The following RIT2 variants were observed in gnomAD, a reference collection of about 807,000 sequenced individuals.
The protein encoded by RIT2 is Ras like without CAAX 2.
A neutral mutation model predicts 23.7 loss-of-function variants in RIT2; 24 were observed. The observed-to-expected ratio is 1.01, with a 90% CI of 0.73 to 1.43. The LOEUF is 1.43. Ranked by LOEUF, RIT2 falls within the 40% of genes most tolerant of loss-of-function variation. The pLI is 0.00. For missense variants in RIT2, 236 were observed against 266.9 expected (o/e 0.88, Z 0.81); for synonymous variants, 107 against 91.1 (o/e 1.17, Z -0.99).
At chr18:43,067,542 G>A (rs146949980) in intron 1 of RIT2, among the ~76,000 whole-genome samples, 64 of 152,226 alleles carry the variant, frequency 4.2e-4, no homozygotes, top group African/African-American at 1.5e-3. Context: ...CTCAAATCAG[G>A]GGCTTCTTGT....
intron 4 of RIT2, among the ~76,000 whole-genome samples, chr18:42,827,670 G>C (rs1198949039): frequency 6.6e-6 from 1 of 152,152 alleles, no homozygotes; most frequent in East Asian, 1.9e-4. Context: ...GAATAAAATG[G>C]AATGGTCAAT....
chr18:43,108,779 G>A (rs1296669547), intron 1 of RIT2, among the ~76,000 whole-genome samples: 3 of 152,176 alleles, frequency 2.0e-5, no homozygotes, highest in Non-Finnish European at 4.4e-5. Flanking sequence ...AATGCTTCCT[G>A]ACAGTATTGC....
intron 1 of RIT2, among the ~76,000 whole-genome samples, chr18:43,112,199 A>G (rs999293199): frequency 1.3e-5 from 2 of 152,170 alleles, no homozygotes; most frequent in African/African-American, 4.8e-5. Flanking sequence ...TGTTCTTCTC[A>G]GAGCATTAAA....
chr18:42,937,266 T>C (rs747702011), intron 3 of RIT2, among the ~76,000 whole-genome samples: 2 of 152,198 alleles, frequency 1.3e-5, no homozygotes, highest in African/African-American at 4.8e-5. Context: ...CTGTCATTTT[T>C]TTCCTATCCT....
intron 4 of RIT2, among the ~76,000 whole-genome samples, chr18:42,860,151 G>A (rs957100423): frequency 1.1e-4 from 16 of 152,166 alleles, no homozygotes; most frequent in Admixed American, 1.0e-3. Flanking sequence ...AACCATGTGA[G>A]TGAGACTTTT....
chr18:42,962,350 T>C (rs552528954), intron 3 of RIT2, among the ~76,000 whole-genome samples: 1 of 152,330 alleles, frequency 6.6e-6, no homozygotes, highest in African/African-American at 2.4e-5. Flanking sequence ...TAAAACTATT[T>C]TTATACTTTG....
intron 4 of RIT2, among the ~76,000 whole-genome samples, chr18:42,800,310 T>C (rs531647130): frequency 6.6e-6 from 1 of 152,264 alleles, no homozygotes; most frequent in South Asian, 2.1e-4. Flanking sequence ...GATATTGATT[T>C]GTAACTTTAT....
intron 2 of RIT2, among the ~76,000 whole-genome samples, chr18:43,011,299 A>G (rs1164887636): frequency 6.6e-6 from 1 of 151,742 alleles, no homozygotes; most frequent in Non-Finnish European, 1.5e-5. Context: ...TCAGAGGAGC[A>G]GGCAGGAGCT....
At chr18:42,752,575 T>C (rs1913071742) in intron 4 of RIT2, among the ~76,000 whole-genome samples, 1 of 152,176 alleles carries the variant, frequency 6.6e-6, no homozygotes, top group African/African-American at 2.4e-5. Flanking sequence ...TCTTGCTGTC[T>C]CTCATGGGGA....
chr18:42,931,609 G>A (rs1909326567), intron 3 of RIT2, among the ~76,000 whole-genome samples: 2 of 152,020 alleles, frequency 1.3e-5, no homozygotes, highest in South Asian at 2.1e-4. Context: ...TTTCATGACC[G>A]CCTCTGGGGG....
intron 4 of RIT2, among the ~76,000 whole-genome samples, chr18:42,830,740 G>T (rs1906434894): frequency 6.6e-6 from 1 of 152,104 alleles, no homozygotes; most frequent in African/African-American, 2.4e-5. Context: ...AACAATAGAT[G>T]CTATAGGAAT....
At chr18:42,933,886 T>C (rs2144148434) in intron 3 of RIT2, among the ~76,000 whole-genome samples, 1 of 151,790 alleles carries the variant, frequency 6.6e-6, no homozygotes, top group East Asian at 2.0e-4. Flanking sequence ...GGCGTGGTGA[T>C]GCATGCCTGT....
At chr18:42,761,624 C>T (rs73484667) in intron 4 of RIT2, among the ~76,000 whole-genome samples, 2,656 of 152,242 alleles carry the variant, frequency 0.017, 71 homozygotes, top group African/African-American at 0.058. Flanking sequence ...TGAGTTCATC[C>T]CCCTCTCATA....
At chr18:42,903,388 A>G (rs1350858008) in intron 4 of RIT2, among the ~76,000 whole-genome samples, 1 of 152,090 alleles carries the variant, frequency 6.6e-6, no homozygotes, top group Non-Finnish European at 1.5e-5. Context: ...CTGCAAAGCA[A>G]TTTTCCATTT....
At chr18:42,820,010 A>G (rs1398290329) in intron 4 of RIT2, among the ~76,000 whole-genome samples, 2 of 152,166 alleles carry the variant, frequency 1.3e-5, no homozygotes, top group Admixed American at 1.3e-4. Context: ...TACTTATAAT[A>G]CCAATATAAT....
intron 2 of RIT2, among the ~76,000 whole-genome samples, chr18:43,013,658 C>T (rs1285200615): frequency 6.6e-6 from 1 of 151,722 alleles, no homozygotes; most frequent in Non-Finnish European, 1.5e-5. Flanking sequence ...ATGATTCATG[C>T]TTTCCTTCTG....
At chr18:43,017,562 C>T (rs895759621) in intron 2 of RIT2, among the ~76,000 whole-genome samples, 23 of 151,954 alleles carry the variant, frequency 1.5e-4, no homozygotes, top group African/African-American at 4.6e-4. Flanking sequence ...TATCTGAAAA[C>T]GATATTAAAA....
chr18:43,100,491 G>A (rs1913658064), intron 1 of RIT2, among the ~76,000 whole-genome samples: 1 of 152,156 alleles, frequency 6.6e-6, no homozygotes. Context: ...AATCTGACTT[G>A]TAGCTTAAAA....
At position 43,105,519 on chromosome 18, in the gene RIT2, A is replaced by AGGAAGAGAGGAAGGGAGG. The variant is rs1555658770; in HGVS notation, c.103+9897_103+9898insCCTCCCTTCCTCTCTTCC. Among the ~76,000 whole-genome samples, 10 of 151,626 alleles carry AGGAAGAGAGGAAGGGAGG rather than the reference A, an allele frequency of 6.6e-5. No homozygotes were observed. In the East Asian group the frequency reaches 7.8e-4, roughly 12 times the overall value. On this transcript the variant is annotated intron_variant, in intron 1 of 4. Coordinates refer to ENST00000326695, the MANE Select transcript of RIT2 (RefSeq NM_002930.4). ...AAGAAAGGGAGGGAGGGAGGGAGGG[A>AGGAAGAGAGGAAGGGAGG]ATGAGCAGTTTTAATGAAGGTGTAA... is the stretch of plus-strand genomic sequence containing the variant.
Sources: allele counts gnomAD v4.1 joint callset (sites outside exome capture counted in the v4.1 genomes callset), GRCh38; gene constraint gnomAD v4.1.1; transcripts MANE v1.5; gene names NCBI Gene and HGNC (gene_info 2026-07-23, HGNC 2026-07-21).